NDUFAF5: variants seen among roughly 807,000 people sequenced by gnomAD.
The protein encoded by NDUFAF5 is arginine-hydroxylase NDUFAF5, mitochondrial.
A neutral mutation model predicts 48.9 loss-of-function variants in NDUFAF5; 34 were observed. The ratio of observed to expected loss-of-function variants is 0.70; its 90% CI spans 0.53 to 0.93. NDUFAF5 has a LOEUF of 0.93. Ranked by LOEUF, NDUFAF5 falls within the 40% of genes least tolerant of loss-of-function variation. The pLI is 0.00. For synonymous variants in NDUFAF5, 153 were observed against 150.6 expected, an observed-to-expected ratio of 1.02 and a Z score of -0.12; for missense variants, 428 against 427.5, an observed-to-expected ratio of 1.00 and a Z score of -0.01.
chr20:13,790,979 T>TC (rs1982191689), intron 3 of NDUFAF5, among the ~76,000 whole-genome samples: 1 of 152,256 alleles, frequency 6.6e-6, no homozygotes, highest in Non-Finnish European at 1.5e-5. Context: ...TTTCTTCTCT[T>TC]ACTGGATTTG....
chr20:13,786,842 A>G (rs1981245983), intron 1 of NDUFAF5, among the ~76,000 whole-genome samples: 1 of 152,212 alleles, frequency 6.6e-6, no homozygotes, highest in Non-Finnish European at 1.5e-5. Flanking sequence ...CACTCAGAAA[A>G]GTTGTTCATT....
intron 8 of NDUFAF5, among the ~76,000 whole-genome samples, chr20:13,812,441 A>G (rs867030036): frequency 2.0e-5 from 3 of 152,302 alleles, no homozygotes; most frequent in Non-Finnish European, 1.5e-5. Context: ...GGCTGATGAT[A>G]TATCACTCGG....
Position 13,817,246 on chromosome 20 carries a change from A to G in NDUFAF5, c.*36A>G, listed in dbSNP as rs765667167. 3 of 1,455,318 alleles carry G rather than the reference A, an allele frequency of 2.1e-6. No homozygotes were observed. The highest frequency in any genetic ancestry group is 2.9e-6 in the Non-Finnish European group (3 of 1,035,240). The allele number at this position is 1,455,318 out of a possible 1,614,324, so 90.2% of individuals were successfully genotyped here. ...AGTGTTAATGTCGTCCAGAATTTTC[A>G]TCAGAAATGGATAGCTTTAACATCT... On this transcript the variant is annotated 3_prime_UTR_variant, in exon 11 of 11. Coordinates refer to ENST00000378106, the MANE Select transcript of NDUFAF5 (RefSeq NM_024120.5).
chr20:13,797,265 A>G lies in NDUFAF5; in HGVS notation c.480-1196A>G, dbSNP rs190790038. 6.3e-4 allele frequency among the ~76,000 whole-genome samples: 96 copies of G among 152,350 alleles called. 1 individual carries two copies. The highest frequency in any genetic ancestry group is 2.3e-3 in the African/African-American group (94 of 41,574). On this transcript the variant is annotated intron_variant, in intron 5 of 10. Transcript: ENST00000378106. Reference sequence around the variant, plus strand: ...TTGGTGTTTACCCAAAGGAGATGAAAACTTACGTCCACGCAAAAACCTGCA... The same window carrying G: ...TTGGTGTTTACCCAAAGGAGATGAAGACTTACGTCCACGCAAAAACCTGCA...
At chr20:13,797,654 A>G (rs1019841449) in intron 5 of NDUFAF5, among the ~76,000 whole-genome samples, 4 of 152,208 alleles carry the variant, frequency 2.6e-5, no homozygotes, top group Non-Finnish European at 5.9e-5. Context: ...CTATTATAAT[A>G]TTGGATATAT....
At chr20:13,788,361 A>G (rs1049586060) in intron 2 of NDUFAF5, among the ~76,000 whole-genome samples, 1 of 152,176 alleles carries the variant, frequency 6.6e-6, no homozygotes, top group Non-Finnish European at 1.5e-5. Flanking sequence ...TCATGGAGCC[A>G]CCTGGTGGAA....
chr20:13,792,125 A>G (rs1214240762), intron 3 of NDUFAF5, among the ~76,000 whole-genome samples: 1 of 152,234 alleles, frequency 6.6e-6, no homozygotes, highest in Non-Finnish European at 1.5e-5. Context: ...CTCTTAGTTC[A>G]AATTTTCAAG....
At chr20:13,816,166 C>G (rs1387187444) in intron 8 of NDUFAF5, 3 of 439,822 alleles carry the variant, frequency 6.8e-6, no homozygotes, top group South Asian at 2.1e-5. Flanking sequence ...GGGTGGCAGT[C>G]ACCTGGCTTT....
intron 1 of NDUFAF5, among the ~76,000 whole-genome samples, chr20:13,786,118 G>A (rs1981064473): frequency 6.6e-6 from 1 of 152,162 alleles, no homozygotes; most frequent in Non-Finnish European, 1.5e-5. Flanking sequence ...CTACTTTCAG[G>A]ACACGCATTC....
At position 13,820,877 on chromosome 20, in the gene NDUFAF5, CCT is replaced by C. The variant is rs1986940974; in HGVS notation, c.*3672_*3673del. On this transcript the variant is annotated 3_prime_UTR_variant, in exon 11 of 11. Transcript: ENST00000378106. ...CTGTTCCTTTGTAAGTTACCATTAG[CCT>C]CTCTTGCTTAAGAAATATTTTGAGC... 6.6e-6 allele frequency: 1 copy of C among 152,072 alleles called. No individual in the cohort carries two copies. Among genetic ancestry groups the C allele is most frequent in the South Asian group, 2.1e-4 (1 of 4,816 alleles). 9.4% of individuals were successfully genotyped at this position (152,072 alleles called of 1,614,324 possible). A position where few individuals can be genotyped will look rare whatever the true frequency, so the allele number is the denominator to read the frequency against.
chr20:13,810,683 G>T (rs550505819), intron 8 of NDUFAF5, among the ~76,000 whole-genome samples: 2 of 152,174 alleles, frequency 1.3e-5, no homozygotes, highest in South Asian at 2.1e-4. Context: ...CCTAGAAGAG[G>T]TGACTCTAGA....
chr20:13,805,122 T>A (rs1241370684), intron 7 of NDUFAF5, among the ~76,000 whole-genome samples: 1 of 152,154 alleles, frequency 6.6e-6, no homozygotes, highest in Non-Finnish European at 1.5e-5. Context: ...TCTCCGGGAA[T>A]GTAAAGCCTC....
In NDUFAF5 at chr20:13,798,464, G is replaced by T. The variant is rs1983592705; in HGVS notation, c.483G>T (p.Leu161Phe). ...AATCTGTATTCTCATATTTTAGTTT[G>T]CATTGGGTGAATGACCTTCCTAGAG... Reference protein sequence around the residue: ...TFDLVVSSLSLHWVNDLPRAL... With the variant: ...TFDLVVSSLSFHWVNDLPRAL... The change falls in exon 6 of 11, where the codon TTG becomes TTT. Residue 161 changes from leucine (L) to phenylalanine (F), a missense_variant. Leu to Phe is a conservative substitution (Grantham distance 22, BLOSUM62 0). Coordinates refer to ENST00000378106, the MANE Select transcript of NDUFAF5 (RefSeq NM_024120.5). 1.2e-6 allele frequency: 2 copies of T among 1,609,700 alleles called. No individual in the cohort carries two copies. Among genetic ancestry groups the T allele is most frequent in the African/African-American group, 1.3e-5 (1 of 74,926 alleles).
Position 13,820,664 on chromosome 20 carries a change from C to T in NDUFAF5, c.*3454C>T, listed in dbSNP as rs1411154860. 2 of 151,764 alleles carry T rather than the reference C, an allele frequency of 1.3e-5. No individual in the cohort carries two copies. Among genetic ancestry groups the T allele is most frequent in the African/African-American group, 4.8e-5 (2 of 41,260 alleles). The allele number at this position is 151,764 out of a possible 1,614,324, so 9.4% of individuals were successfully genotyped here. On this transcript the variant is annotated 3_prime_UTR_variant, in exon 11 of 11. Transcript: ENST00000378106. The stretch of plus-strand genomic sequence containing the variant: ...AGCTGTCGCACCACTGCACTCTAGC[C>T]TGGGCAACAGCAAGACCCTCGTCTC...
chr20:13,818,435 T>G lies in NDUFAF5; in HGVS notation c.*1225T>G. 1 of 332,876 alleles carries G rather than the reference T, an allele frequency of 3.0e-6. No homozygotes were observed. The highest frequency in any genetic ancestry group is 8.0e-5 in the East Asian group (1 of 12,508). 20.6% of individuals were successfully genotyped at this position (332,876 alleles called of 1,614,324 possible). On this transcript the variant is annotated 3_prime_UTR_variant, in exon 11 of 11. Transcript: ENST00000378106. Reference sequence around the variant, plus strand: ...TGTGAAGTAGAATTTGGCGTTTTGTTTTTTGGGGTTTTTTTTTTTTTTAGC... The same window carrying G: ...TGTGAAGTAGAATTTGGCGTTTTGTGTTTTGGGGTTTTTTTTTTTTTTAGC...
At chr20:13,816,606 T>G in intron 9 of NDUFAF5, 60 bp downstream of exon 9, 1 of 1,354,020 alleles carries the variant, frequency 7.4e-7, no homozygotes, top group Non-Finnish European at 1.1e-6. Context: ...ATCATGTTGA[T>G]TCCCTTCACG....
At chr20:13,792,955 G>A (rs1400094518) in intron 3 of NDUFAF5, among the ~76,000 whole-genome samples, 4 of 152,196 alleles carry the variant, frequency 2.6e-5, no homozygotes, top group East Asian at 1.9e-4. Flanking sequence ...TAGTAAATTC[G>A]GAATGTTGAA....
chr20:13,815,864 A>G (rs981292169), intron 8 of NDUFAF5, among the ~76,000 whole-genome samples: 16 of 152,200 alleles, frequency 1.1e-4, no homozygotes, highest in African/African-American at 3.9e-4. Context: ...TTCACCATCA[A>G]CTCGAAGGAA....
At chr20:13,786,716 A>C (rs1454200637) in intron 1 of NDUFAF5, among the ~76,000 whole-genome samples, 1 of 152,182 alleles carries the variant, frequency 6.6e-6, no homozygotes, top group Non-Finnish European at 1.5e-5. Context: ...TATTGCTACC[A>C]GATGAAGCTA....
Sources: gnomAD v4.1 joint callset for allele counts (sites outside exome capture counted in the v4.1 genomes callset) on GRCh38, gnomAD v4.1.1 for gene constraint, MANE v1.5 for transcripts, NCBI Gene and HGNC (gene_info 2026-07-23, HGNC 2026-07-21) for gene names.